Variants in SWT1 observed in about 807,000 individuals in gnomAD.
The protein encoded by SWT1 is transcriptional protein SWT1.
In SWT1, 33 loss-of-function variants were observed where a neutral mutation model predicts 107.3. The ratio of observed to expected loss-of-function variants is 0.31; its 90% CI spans 0.23 to 0.41. The LOEUF (loss-of-function observed/expected upper bound fraction) is 0.41, where lower values mean the gene tolerates loss of function less well. SWT1 is among the 10% of genes least tolerant of loss of function. The probability of loss-of-function intolerance (pLI) is 1.00; values close to 1 mark genes in which losing one functional copy is unlikely to be tolerated. For missense variants in SWT1, 898 were observed against 1,028.9 expected, an observed-to-expected ratio of 0.87 and a Z score of 1.74; for synonymous variants, 345 against 348.3, an observed-to-expected ratio of 0.99 and a Z score of 0.11.
chr1:185,224,736 T>A (rs1659924088), intron 15 of SWT1, among the ~76,000 whole-genome samples: 1 of 152,184 alleles, frequency 6.6e-6, no homozygotes, highest in South Asian at 2.1e-4. Context: ...TAAATTGAAT[T>A]GTTTTCTTGT....
chr1:185,260,501 A>G (rs977364345), intron 16 of SWT1, among the ~76,000 whole-genome samples: 2 of 152,160 alleles, frequency 1.3e-5, no homozygotes, highest in Non-Finnish European at 2.9e-5. Flanking sequence ...TCATCATGCT[A>G]CTACTGAGAG....
chr1:185,171,541 T>C, intron 4 of SWT1: 1 of 401,622 alleles, frequency 2.5e-6, no homozygotes, highest in East Asian at 7.1e-5. Flanking sequence ...ACCCCTCCAA[T>C]GACATTCCTA....
Position 185,194,201 on chromosome 1 carries a change from A to G in SWT1, c.1523+3559A>G, listed in dbSNP as rs989478004. On this transcript the variant is annotated intron_variant, in intron 10 of 18. Transcript: ENST00000367500. Reference sequence around the variant, plus strand: ...TGTATATTTAAAGTAAGTTTCTTGTAGACATCATATAGTTGGTTCTTTTTT... The same window carrying G: ...TGTATATTTAAAGTAAGTTTCTTGTGGACATCATATAGTTGGTTCTTTTTT... 5.3e-5 allele frequency among the ~76,000 whole-genome samples: 8 copies of G among 152,214 alleles called. No individual in the cohort carries two copies. The East Asian group carries it at 1.5e-3, about 29-fold the overall frequency.
At chr1:185,209,680 A>C (rs1394093191) in intron 13 of SWT1, among the ~76,000 whole-genome samples, 1 of 152,218 alleles carries the variant, frequency 6.6e-6, no homozygotes, top group East Asian at 1.9e-4. Context: ...TGCCGCAGTA[A>C]ACATACATGT....
At chr1:185,169,488 A>G (rs1298456219) in intron 4 of SWT1, among the ~76,000 whole-genome samples, 3 of 152,196 alleles carry the variant, frequency 2.0e-5, no homozygotes, top group Non-Finnish European at 4.4e-5. Context: ...AAGCCATAAT[A>G]CAGATGAAAA....
At chr1:185,208,833 A>G (rs1393589141) in intron 13 of SWT1, among the ~76,000 whole-genome samples, 3 of 151,562 alleles carry the variant, frequency 2.0e-5, no homozygotes, top group Non-Finnish European at 1.5e-5. Context: ...GTGGCAAGCC[A>G]CAAGTGCACC....
intron 16 of SWT1, among the ~76,000 whole-genome samples, chr1:185,256,402 T>G (rs1571633618): frequency 1.3e-5 from 2 of 150,902 alleles, no homozygotes; most frequent in Middle Eastern, 3.5e-3. Flanking sequence ...ATTCTCCCCA[T>G]CACTTTCAGG....
At chr1:185,172,127 G>A (rs1192476001) in intron 4 of SWT1, among the ~76,000 whole-genome samples, 4 of 152,188 alleles carry the variant, frequency 2.6e-5, no homozygotes, top group African/African-American at 4.8e-5. Flanking sequence ...CAGAGTGATG[G>A]CACTGAAAAG....
intron 10 of SWT1, among the ~76,000 whole-genome samples, chr1:185,197,851 G>A (rs1657527106): frequency 6.6e-6 from 1 of 151,828 alleles, no homozygotes; most frequent in African/African-American, 2.4e-5. Context: ...TTATTAGTCT[G>A]GCTAGCAGTC....
intron 16 of SWT1, among the ~76,000 whole-genome samples, chr1:185,270,534 T>G (rs2102730295): frequency 6.6e-6 from 1 of 152,150 alleles, no homozygotes; most frequent in East Asian, 1.9e-4. Flanking sequence ...AGACCTCTTC[T>G]CTACCAAAAT....
intron 7 of SWT1, 129 bp downstream of exon 7, chr1:185,182,186 A>T: frequency 3.2e-6 from 3 of 929,154 alleles, no homozygotes; most frequent in Non-Finnish European, 4.6e-6. Context: ...TGATAAAGTA[A>T]TAGTTTATTT....
intron 10 of SWT1, among the ~76,000 whole-genome samples, chr1:185,200,887 T>C (rs1381445829): frequency 3.3e-5 from 5 of 152,160 alleles, no homozygotes; most frequent in African/African-American, 4.8e-5. Context: ...CCCAGGGAGA[T>C]AGGAGTTTTA....
At chr1:185,183,228 G>T (rs1372886093) in intron 7 of SWT1, among the ~76,000 whole-genome samples, 2 of 151,560 alleles carry the variant, frequency 1.3e-5, no homozygotes, top group Non-Finnish European at 2.9e-5. Flanking sequence ...TCCTCAAAAT[G>T]GTCCTATGCA....
chr1:185,264,539 T>A (rs1663243041), intron 16 of SWT1: 4 of 766,742 alleles, frequency 5.2e-6, no homozygotes, highest in Non-Finnish European at 6.3e-6. Flanking sequence ...TCCAAGTATG[T>A]TACCTATGTT....
intron 2 of SWT1, among the ~76,000 whole-genome samples, chr1:185,165,160 C>T (rs1161118880): frequency 6.6e-6 from 1 of 152,098 alleles, no homozygotes; most frequent in East Asian, 1.9e-4. Context: ...ACACATGCAA[C>T]ATTTATCAGT....
At chr1:185,191,626 T>C (rs1355500473) in intron 10 of SWT1, among the ~76,000 whole-genome samples, 1 of 152,182 alleles carries the variant, frequency 6.6e-6, no homozygotes, top group African/African-American at 2.4e-5. Context: ...ATATTGGAGC[T>C]TTCTATCTAT....
chr1:185,224,469 A>G (rs1659903834), intron 15 of SWT1, among the ~76,000 whole-genome samples: 1 of 151,910 alleles, frequency 6.6e-6, no homozygotes, highest in Non-Finnish European at 1.5e-5. Flanking sequence ...TTGGCTATTC[A>G]AATTTGGCAT....
chr1:185,160,380 G>C (rs1654034446), intron 1 of SWT1, among the ~76,000 whole-genome samples: 1 of 152,134 alleles, frequency 6.6e-6, no homozygotes, highest in African/African-American at 2.4e-5. Context: ...GTGGAATAAT[G>C]AGAGAATCTT....
chr1:185,247,123 A>G (rs145933877), intron 16 of SWT1, among the ~76,000 whole-genome samples: 25 of 152,318 alleles, frequency 1.6e-4, no homozygotes, highest in African/African-American at 6.0e-4. Flanking sequence ...ATGAAGGTTA[A>G]TTCAATAAGT....
Sources: gnomAD v4.1 joint callset for allele counts (sites outside exome capture counted in the v4.1 genomes callset) on GRCh38, gnomAD v4.1.1 for gene constraint, MANE v1.5 for transcripts, NCBI Gene and HGNC (gene_info 2026-07-23, HGNC 2026-07-21) for gene names.